Variants in FAM220A observed in about 807,000 individuals in gnomAD.
The protein encoded by FAM220A is protein FAM220A.
For synonymous variants in FAM220A, 141 were observed against 130.7 expected, an observed-to-expected ratio of 1.08 and a Z score of -0.54; for missense variants, 392 against 321.6, an observed-to-expected ratio of 1.22 and a Z score of -1.68.
At chr7:6,333,933 A>C (rs113918424) in intron 1 of FAM220A, among the ~76,000 whole-genome samples, 3 of 133,860 alleles carry the variant, frequency 2.2e-5, no homozygotes, top group South Asian at 2.4e-4. Flanking sequence ...TAAAAGCTCC[A>C]CCTCCCGGGT....
chr7:6,335,939 A>C (rs976003937), intron 1 of FAM220A, among the ~76,000 whole-genome samples: 3 of 152,052 alleles, frequency 2.0e-5, no homozygotes, highest in African/African-American at 7.2e-5. Context: ...CTGGGAGGCC[A>C]AGACGGATGG....
intron 1 of FAM220A, among the ~76,000 whole-genome samples, chr7:6,343,963 G>C (rs933608709): frequency 1.3e-5 from 2 of 152,026 alleles, no homozygotes; most frequent in African/African-American, 4.8e-5. Context: ...ATAGCTTACT[G>C]TAGCCTTGAA....
In FAM220A at chr7:6,348,857, GCGGCGGCTAGAC is replaced by G. The variant is rs1472513251; in HGVS notation, c.-378_-367del. 2.6e-6 allele frequency: 1 copy of G among 390,350 alleles called. No individual in the cohort carries two copies. Among genetic ancestry groups the G allele is most frequent in the Non-Finnish European group, 4.5e-6 (1 of 221,208 alleles). The allele number at this position is 390,350 out of a possible 1,614,324, so 24.2% of individuals were successfully genotyped here. A position where few individuals can be genotyped will look rare whatever the true frequency, so the allele number is the denominator to read the frequency against. ...CTGGCGTGCTCAGGGAGCGAAGGAG[GCGGCGGCTAGAC>G]CGGCGGGCGGGCGGGCCGCAGTGGA... On this transcript the variant is annotated 5_prime_UTR_variant, in exon 1 of 2. Coordinates refer to ENST00000313324, the MANE Select transcript of FAM220A (RefSeq NM_001037163.2).
intron 1 of FAM220A, among the ~76,000 whole-genome samples, chr7:6,343,222 C>T (rs998015221): frequency 6.6e-6 from 1 of 150,498 alleles, no homozygotes; most frequent in African/African-American, 2.4e-5. Context: ...ACTAAAAATA[C>T]AATAATTAGC....
chr7:6,330,811 G>A lies in FAM220A; in HGVS notation c.344C>T (p.Ala115Val), dbSNP rs1487152320. The change falls in exon 2 of 2, where the codon GCT becomes GTT. Residue 115 changes from alanine to valine, a missense_variant. Transcript: ENST00000313324. ...TTCAACACCACTGCAGGACACCCGA[G>A]CAAAACACTCTGTTGGAGCAGGGAA... Reference protein sequence around the residue: ...GLFPAPTECFARVSCSGVEAL... With the variant: ...GLFPAPTECFVRVSCSGVEAL... The A allele has an allele frequency of 4.3e-6, 7 of 1,614,062 alleles. No homozygotes were observed. The highest frequency in any genetic ancestry group is 5.9e-6 in the Non-Finnish European group (7 of 1,180,038).
intron 1 of FAM220A, among the ~76,000 whole-genome samples, chr7:6,342,707 A>G (rs1265237134): frequency 6.6e-6 from 1 of 152,144 alleles, no homozygotes; most frequent in East Asian, 1.9e-4. Flanking sequence ...AGCAACCCAA[A>G]AGTCCAACAT....
chr7:6,333,806 C>T (rs1370276992), intron 1 of FAM220A, among the ~76,000 whole-genome samples: 2 of 148,260 alleles, frequency 1.3e-5, no homozygotes. Flanking sequence ...AGGGTCTCCC[C>T]ATGTTGCCTA....
At chr7:6,345,763 G>A (rs75342984) in intron 1 of FAM220A, among the ~76,000 whole-genome samples, 4,281 of 151,702 alleles carry the variant, frequency 0.028, 188 homozygotes, top group African/African-American at 0.088. Context: ...TTTTTTTGGT[G>A]GTGGTTATTA....
intron 1 of FAM220A, among the ~76,000 whole-genome samples, chr7:6,343,767 G>A (rs561000187): frequency 6.6e-6 from 1 of 152,014 alleles, no homozygotes; most frequent in Non-Finnish European, 1.5e-5. Flanking sequence ...TCCTTAAAAT[G>A]CCTCACTGCC....
intron 1 of FAM220A, among the ~76,000 whole-genome samples, chr7:6,334,064 A>T (rs529168303): frequency 2.0e-5 from 3 of 150,366 alleles, no homozygotes; most frequent in South Asian, 2.2e-4. Flanking sequence ...GCCAGGATGG[A>T]ATCTATCTCC....
At chr7:6,335,982 G>C (rs748957959) in intron 1 of FAM220A, among the ~76,000 whole-genome samples, 12 of 152,052 alleles carry the variant, frequency 7.9e-5, no homozygotes, top group Non-Finnish European at 1.5e-4. Flanking sequence ...AGATCAGCCT[G>C]GTCTACACGG....
In FAM220A at chr7:6,343,806, G is replaced by A. The variant is rs573363370; in HGVS notation, c.-82+4767C>T. Among the ~76,000 whole-genome samples the A allele has an allele frequency of 2.5e-4, 38 of 152,146 alleles. No individual in the cohort carries two copies. In the South Asian group the frequency reaches 5.2e-3, roughly 21 times the overall value. On this transcript the variant is annotated intron_variant, in intron 1 of 1. Transcript: ENST00000313324. ...CAAACTAGAGATCTAGGGAGGAGGG[G>A]CTCCCTAAACAAATTTGGAAAATGG...
At chr7:6,347,211 G>T (rs991272065) in intron 1 of FAM220A, among the ~76,000 whole-genome samples, 9 of 152,100 alleles carry the variant, frequency 5.9e-5, no homozygotes, top group African/African-American at 2.2e-4. Flanking sequence ...GAATTCAAGG[G>T]ATGTAGAAAT....
At chr7:6,341,145 A>G (rs919771419) in intron 1 of FAM220A, among the ~76,000 whole-genome samples, 4 of 147,554 alleles carry the variant, frequency 2.7e-5, no homozygotes, top group African/African-American at 9.9e-5. Flanking sequence ...CTCTGTCCCA[A>G]AAAAAAAAAT....
rs1781596231 is a variant in FAM220A, at chr7:6,330,037, G to T, written c.*338C>A. On this transcript the variant is annotated 3_prime_UTR_variant, in exon 2 of 2. Transcript: ENST00000313324. ...ATCAGACAAGTCAAAAGGACACACA[G>T]GATTTGGGACAGTAGCCCTTTAGAA... is the stretch of plus-strand genomic sequence containing the variant. 3.6e-6 allele frequency: 1 copy of T among 276,960 alleles called. No individual in the cohort carries two copies. The highest frequency in any genetic ancestry group is 2.3e-5 in the African/African-American group (1 of 43,670). 17.2% of individuals were successfully genotyped at this position (276,960 alleles called of 1,614,324 possible).
chr7:6,338,810 C>G (rs923677194), intron 1 of FAM220A: 1 of 152,340 alleles, frequency 6.6e-6, no homozygotes, highest in East Asian at 1.9e-4. Flanking sequence ...CTAAAAATAT[C>G]TTGGCCCCAA....
chr7:6,338,293 T>C (rs991307326), intron 1 of FAM220A, among the ~76,000 whole-genome samples: 1 of 152,162 alleles, frequency 6.6e-6, no homozygotes, highest in Non-Finnish European at 1.5e-5. Context: ...TAGAGATATA[T>C]TGTACCAGAT....
intron 1 of FAM220A, among the ~76,000 whole-genome samples, chr7:6,338,478 TAA>T (rs1257934778): frequency 6.6e-6 from 1 of 151,726 alleles, no homozygotes. Context: ...TCAGGAAAAA[TAA>T]AGTGTAGCCC....
chr7:6,347,777 C>A (rs923279930), intron 1 of FAM220A, among the ~76,000 whole-genome samples: 2 of 151,722 alleles, frequency 1.3e-5, no homozygotes, highest in Non-Finnish European at 2.9e-5. Context: ...CTATGCAGGC[C>A]AGATGTGGTG....
Sources: gnomAD v4.1 joint callset for allele counts (sites outside exome capture counted in the v4.1 genomes callset) on GRCh38, gnomAD v4.1.1 for gene constraint, MANE v1.5 for transcripts, NCBI Gene and HGNC (gene_info 2026-07-23, HGNC 2026-07-21) for gene names.